KAZN: variants seen among roughly 807,000 people sequenced by gnomAD.
The protein encoded by KAZN is kazrin.
In KAZN, 40 loss-of-function variants were observed where a neutral mutation model predicts 87.4. The ratio of observed to expected loss-of-function variants is 0.46; its 90% confidence interval spans 0.36 to 0.60. The LOEUF (loss-of-function observed/expected upper bound fraction) is 0.60, where lower values mean the gene tolerates loss of function less well. Among genes scored for constraint, KAZN ranks in the 20% least tolerant of loss-of-function variants. The probability of loss-of-function intolerance (pLI) is 0.00; values close to 1 mark genes in which losing one functional copy is unlikely to be tolerated. For missense variants in KAZN, 898 were observed against 1,073.9 expected (o/e 0.84, Z 2.29); for synonymous variants, 466 against 458.3 (o/e 1.02, Z -0.22).
rs1372986119 is a variant in KAZN at position 15,096,717 on chromosome 1, G to A, written c.1547+1784G>A. ...CAACCTTCTTGCTGTGTCCTCACATGGGGAAGAAGGAAGAGGGAGGGGGAG... is the reference window on the plus strand; with the variant it reads ...CAACCTTCTTGCTGTGTCCTCACATAGGGAAGAAGGAAGAGGGAGGGGGAG... On this transcript the variant is annotated intron_variant, in intron 10 of 14. Coordinates refer to ENST00000376030, the MANE Select transcript of KAZN (RefSeq NM_201628.3). This position sits in a 1 kb window ranked among gnomAD's most constrained non-coding sequence, Gnocchi z 4.5. Among the ~76,000 whole-genome samples, 1 of 152,192 alleles carries A rather than the reference G, an allele frequency of 6.6e-6. No individual in the cohort carries two copies. The highest frequency in any genetic ancestry group is 1.5e-5 in the Non-Finnish European group (1 of 68,042).
intron 1 of KAZN, among the ~76,000 whole-genome samples, chr1:13,952,203 T>C (rs1464418195): frequency 2.0e-5 from 3 of 152,032 alleles, no homozygotes; most frequent in Admixed American, 6.5e-5. Context: ...GTCTTCTAAA[T>C]TGAATTACTC....
intron 1 of KAZN, among the ~76,000 whole-genome samples, chr1:14,605,298 C>T (rs181393501): frequency 6.6e-6 from 1 of 152,214 alleles, no homozygotes; most frequent in East Asian, 1.9e-4. Context: ...ATCAACTTCC[C>T]TGGCAAGCGC....
chr1:14,823,068 G>A (rs1012625365), intron 1 of KAZN, among the ~76,000 whole-genome samples: 1 of 152,148 alleles, frequency 6.6e-6, no homozygotes, highest in African/African-American at 2.4e-5. Flanking sequence ...TTGCTGGGGA[G>A]ACAACTCGGC....
At chr1:14,738,532 G>C (rs978144961) in intron 1 of KAZN, among the ~76,000 whole-genome samples, 1 of 152,148 alleles carries the variant, frequency 6.6e-6, no homozygotes. Flanking sequence ...ACCTGTGGCT[G>C]TTCATTCAGG....
At position 14,769,231 on chromosome 1, in the gene KAZN, A is replaced by G. The variant is rs1474531368; in HGVS notation, c.226+170008A>G. Among the ~76,000 whole-genome samples, 1 of 152,050 alleles carries G rather than the reference A, an allele frequency of 6.6e-6. No homozygotes were observed. Among genetic ancestry groups the G allele is most frequent in the East Asian group, 1.9e-4 (1 of 5,174 alleles). On this transcript the variant is annotated intron_variant, in intron 1 of 14. Coordinates refer to ENST00000376030, the MANE Select transcript of KAZN (RefSeq NM_201628.3). The surrounding 1 kb of genome is among the most constrained non-coding windows in gnomAD (Gnocchi z 4.1). ...AAGCTTGGCGTGCTAGTTTCCATGGACTTTTGCTTGGGTTAGGATCATCAA... is the reference window on the plus strand; with the variant it reads ...AAGCTTGGCGTGCTAGTTTCCATGGGCTTTTGCTTGGGTTAGGATCATCAA...
chr1:14,638,669 A>G (rs1011687263), intron 1 of KAZN, among the ~76,000 whole-genome samples: 1 of 151,892 alleles, frequency 6.6e-6, no homozygotes, highest in Admixed American at 6.5e-5. Context: ...ATGTTTGTGC[A>G]GGCAGCAGGG....
At chr1:14,957,371 C>T (rs1346530919) in intron 1 of KAZN, among the ~76,000 whole-genome samples, 1 of 152,206 alleles carries the variant, frequency 6.6e-6, no homozygotes, top group African/African-American at 2.4e-5. Flanking sequence ...AGGGGCCTCT[C>T]CATGTTGGGT....
At chr1:14,965,982 C>CTTTT (rs71306999) in intron 2 of KAZN, among the ~76,000 whole-genome samples, 3 of 129,186 alleles carry the variant, frequency 2.3e-5, no homozygotes, top group African/African-American at 8.9e-5. Flanking sequence ...CTTTCCTTTT[C>CTTTT]TTTTTTTTTT....
intron 1 of KAZN, among the ~76,000 whole-genome samples, chr1:14,816,433 C>T (rs928453012): frequency 1.3e-5 from 2 of 152,140 alleles, no homozygotes; most frequent in Admixed American, 6.5e-5. Context: ...GCTATCTGAG[C>T]AGGTCCCTGG....
At chr1:13,996,575 C>T (rs1639528222) in intron 1 of KAZN, among the ~76,000 whole-genome samples, 1 of 152,222 alleles carries the variant, frequency 6.6e-6, no homozygotes, top group African/African-American at 2.4e-5. Flanking sequence ...AACACACCGG[C>T]TGTGGCAGAC....
chr1:13,921,852 C>T (rs1235378292), intron 1 of KAZN, among the ~76,000 whole-genome samples: 2 of 151,996 alleles, frequency 1.3e-5, no homozygotes, highest in Non-Finnish European at 2.9e-5. Context: ...AGGATGATCT[C>T]GATCTCCTGA....
chr1:14,854,040 A>G (rs948303554), intron 1 of KAZN, among the ~76,000 whole-genome samples: 1 of 152,196 alleles, frequency 6.6e-6, no homozygotes, highest in Admixed American at 6.5e-5. Context: ...GTAGAACTGC[A>G]TGTGGAAGAC....
chr1:14,011,933 G>T (rs937515023), intron 1 of KAZN, among the ~76,000 whole-genome samples: 4 of 152,134 alleles, frequency 2.6e-5, no homozygotes, highest in African/African-American at 9.7e-5. Flanking sequence ...TTTGGGCATG[G>T]TTCTACCTTT....
At chr1:14,245,028 T>C (rs7521663) in intron 2 of KAZN, among the ~76,000 whole-genome samples, 72,398 of 151,680 alleles carry the variant, frequency 0.48, 18,853 homozygotes, top group Non-Finnish European at 0.59. Context: ...TGGCGAGATC[T>C]CGGCTCACTA....
intron 4 of KAZN, among the ~76,000 whole-genome samples, chr1:15,051,236 ACTTGCT>A (rs1463423119): frequency 6.6e-6 from 1 of 152,236 alleles, no homozygotes; most frequent in Non-Finnish European, 1.5e-5. Flanking sequence ...GCAGGGCCAG[ACTTGCT>A]CTCTGATGTG....
At chr1:14,704,948 G>A (rs1642135545) in intron 1 of KAZN, among the ~76,000 whole-genome samples, 1 of 152,196 alleles carries the variant, frequency 6.6e-6, no homozygotes, top group African/African-American at 2.4e-5. Context: ...TGCATAGGTG[G>A]ACAGTGTTTA....
At chr1:14,267,598 T>A (rs1365630203) in intron 2 of KAZN, among the ~76,000 whole-genome samples, 1 of 151,788 alleles carries the variant, frequency 6.6e-6, no homozygotes, top group Non-Finnish European at 1.5e-5. Context: ...CAGGAACCAA[T>A]CCCCCATGGA....
intron 3 of KAZN, among the ~76,000 whole-genome samples, chr1:15,038,170 C>T (rs11808804): frequency 0.24 from 37,209 of 151,960 alleles, 4,790 homozygotes; most frequent in African/African-American, 0.29. Flanking sequence ...AGGAGGATTG[C>T]TTGAGCCAGG....
chr1:14,615,120 T>C (rs548745291), intron 1 of KAZN, among the ~76,000 whole-genome samples: 1 of 152,324 alleles, frequency 6.6e-6, no homozygotes, highest in Admixed American at 6.5e-5. Flanking sequence ...AGGAAGGAAA[T>C]TGAGTTTATT....
Sources: allele counts gnomAD v4.1 joint callset (sites outside exome capture counted in the v4.1 genomes callset), GRCh38; gene constraint gnomAD v4.1.1; non-coding constraint Gnocchi (gnomAD v3.1); transcripts MANE v1.5; gene names NCBI Gene and HGNC (gene_info 2026-07-23, HGNC 2026-07-21).